Variants in RASGRP2 observed in about 807,000 individuals in gnomAD.
The protein encoded by RASGRP2 is RAS guanyl releasing protein 2.
In RASGRP2, 44 loss-of-function variants were observed where a neutral mutation model predicts 71.0. The observed-to-expected ratio is 0.62, with a 90% CI of 0.49 to 0.80. The LOEUF (loss-of-function observed/expected upper bound fraction) is 0.80, where lower values mean the gene tolerates loss of function less well. Among genes scored for constraint, RASGRP2 ranks in the 30% least tolerant of loss-of-function variants. The pLI is 0.00. For missense variants in RASGRP2, 663 were observed against 813.4 expected (o/e 0.82, Z 2.25); for synonymous variants, 350 against 330.7 (o/e 1.06, Z -0.63).
chr11:64,742,847 A>G lies in RASGRP2; in HGVS notation c.20T>C (p.Leu7Pro). The G allele has an allele frequency of 3.1e-6, 5 of 1,604,416 alleles. No homozygotes were observed. The highest frequency in any genetic ancestry group is 4.2e-6 in the Non-Finnish European group (5 of 1,177,330). The part of the protein sequence containing the change: MAGTLD[L>P]DKGCTVEELL... ...CTCCTCCACCGTGCAGCCCTTGTCCAGGTCCAGGGTGCCTGCCATGGCCGC... is the reference window on the plus strand; with the variant it reads ...CTCCTCCACCGTGCAGCCCTTGTCCGGGTCCAGGGTGCCTGCCATGGCCGC... Residue 7 changes from leucine to proline, a missense_variant, in exon 2 of 17, where the codon CTG becomes CCG. Physicochemically the swap from Leu to Pro is moderately conservative, Grantham distance 98 (BLOSUM62 -3). Transcript: ENST00000394432. The surrounding 1 kb of genome is among the most constrained non-coding windows in gnomAD (Gnocchi z 4.7).
upstream of RASGRP2, chr11:64,745,215 G>C (rs2135815371): frequency 6.6e-6 from 1 of 152,374 alleles, no homozygotes; most frequent in Admixed American, 6.5e-5. Context: ...GAAGCGGACT[G>C]CGGTGGGGAA....
Position 64,742,957 on chromosome 11 carries a change from G to C in RASGRP2, c.-71-20C>G, listed in dbSNP as rs1009862851. The C allele has an allele frequency of 6.6e-7, 1 of 1,519,832 alleles. No individual in the cohort carries two copies. Among genetic ancestry groups the C allele is most frequent in the African/African-American group, 1.4e-5 (1 of 72,266 alleles). The allele number at this position is 1,519,832 out of a possible 1,614,324, so 94.1% of individuals were successfully genotyped here. ...GAACCCCTGTCCCGGGAGAGGCAGA[G>C]CGGGAGTCTGCGGAGTCGCGGGCGG... On this transcript the variant is annotated intron_variant, in intron 1 of 16. Transcript: ENST00000394432. The surrounding 1 kb of genome is among the most constrained non-coding windows in gnomAD (Gnocchi z 4.7).
In RASGRP2 at chr11:64,743,088, G is replaced by T. The variant is rs1303935541; in HGVS notation, c.-71-151C>A. 1 of 878,940 alleles carries T rather than the reference G, an allele frequency of 1.1e-6. No individual in the cohort carries two copies. The highest frequency in any genetic ancestry group is 2.7e-5 in the East Asian group (1 of 37,228). 54.4% of individuals were successfully genotyped at this position (878,940 alleles called of 1,614,324 possible). On this transcript the variant is annotated intron_variant, in intron 1 of 16. Coordinates refer to ENST00000394432, the MANE Select transcript of RASGRP2 (RefSeq NM_001098671.2). This position sits in a 1 kb window ranked among gnomAD's most constrained non-coding sequence, Gnocchi z 4.9. ...CTCCCGGGGTTAAACGGTCTGGCCC[G>T]GGATGGTGCAACCCGCCAGTTGGGA...
intron 8 of RASGRP2, among the ~76,000 whole-genome samples, chr11:64,738,951 C>CAT (rs2058031034): frequency 8.9e-6 from 1 of 112,838 alleles, no homozygotes; most frequent in African/African-American, 2.7e-5. Flanking sequence ...GGCAAAACCC[C>CAT]ATCTCTAAAA....
Position 64,739,757 on chromosome 11 carries a change from A to G in RASGRP2, c.575T>C (p.Val192Ala). Residue 192 changes from valine to alanine, a missense_variant, in exon 7 of 17, where the codon GTC becomes GCC. By Grantham distance (64) the Val-to-Ala change is moderately conservative. Transcript: ENST00000394432. The surrounding 1 kb of genome is among the most constrained non-coding windows in gnomAD (Gnocchi z 4.2). ...GAAGAGGGAGATGAACCGCTCCAGG[A>G]CGGGGTTGTCCACAGTGCAGCCATG... ...VTHGCTVDNP[V>A]LERFISLFNS... The G allele has an allele frequency of 6.2e-7, 1 of 1,613,924 alleles. No individual in the cohort carries two copies. The highest frequency in any genetic ancestry group is 8.5e-7 in the Non-Finnish European group (1 of 1,179,926).
chr11:64,735,367 T>A lies in RASGRP2; in HGVS notation c.1297-140A>T. ...TCTGACACCACCCCCGTTCCATACCTCCACCCCCACCCTACCCAGGGGCAC... is the reference window on the plus strand; with the variant it reads ...TCTGACACCACCCCCGTTCCATACCACCACCCCCACCCTACCCAGGGGCAC... On this transcript the variant is annotated intron_variant, in intron 11 of 16. Coordinates refer to ENST00000394432, the MANE Select transcript of RASGRP2 (RefSeq NM_001098671.2). The surrounding 1 kb of genome is among the most constrained non-coding windows in gnomAD (Gnocchi z 4.2). The A allele has an allele frequency of 7.6e-7, 1 of 1,319,824 alleles. No homozygotes were observed. Among genetic ancestry groups the A allele is most frequent in the Admixed American group, 1.7e-5 (1 of 57,998 alleles). 81.8% of individuals were successfully genotyped at this position (1,319,824 alleles called of 1,614,324 possible).
Position 64,735,450 on chromosome 11 carries a change from G to C in RASGRP2, c.1296+92C>G. On this transcript the variant is annotated intron_variant, in intron 11 of 16. Transcript: ENST00000394432. The surrounding 1 kb of genome is among the most constrained non-coding windows in gnomAD (Gnocchi z 4.2). ...GTGACTCCTAGGGGCTGAGTGCTGG[G>C]TCTTGAACAGGACACTCGTGCTGGC... 1 of 1,599,756 alleles carries C rather than the reference G, an allele frequency of 6.3e-7. No homozygotes were observed. Among genetic ancestry groups the C allele is most frequent in the Middle Eastern group, 1.7e-4 (1 of 6,050 alleles).
At chr11:64,741,387 C>T in intron 4 of RASGRP2, 52 bp downstream of exon 4, 1 of 1,484,688 alleles carries the variant, frequency 6.7e-7, no homozygotes, top group Non-Finnish European at 9.2e-7. Context: ...CAGCCTGAAG[C>T]CAGAGAGAAG....
At position 64,744,100 on chromosome 11, in the gene RASGRP2, C is replaced by A; in HGVS notation, c.-169G>T. 1 of 988,494 alleles carries A rather than the reference C, an allele frequency of 1.0e-6. No individual in the cohort carries two copies. The highest frequency in any genetic ancestry group is 1.2e-6 in the Non-Finnish European group (1 of 831,138). 61.2% of individuals were successfully genotyped at this position (988,494 alleles called of 1,614,324 possible). ...GCCAGCCTTGAGTCCCGCGGCCACACAGGCGCTGACATCCTCACACGTGTG... is the reference window on the plus strand; with the variant it reads ...GCCAGCCTTGAGTCCCGCGGCCACAAAGGCGCTGACATCCTCACACGTGTG... On this transcript the variant is annotated 5_prime_UTR_variant, in exon 1 of 17. Coordinates refer to ENST00000394432, the MANE Select transcript of RASGRP2 (RefSeq NM_001098671.2).
upstream of RASGRP2, chr11:64,744,178 C>G: frequency 1.0e-6 from 1 of 986,344 alleles, no homozygotes; most frequent in Non-Finnish European, 1.2e-6. Flanking sequence ...CACACATGCA[C>G]ACACCCCCAT....
At chr11:64,730,249 G>T in intron 12 of RASGRP2, 55 bp from the exon 13 acceptor site, 1 of 1,548,926 alleles carries the variant, frequency 6.5e-7, no homozygotes. Flanking sequence ...ACCATCCACC[G>T]CTGGCCTAAC....
intron 8 of RASGRP2, chr11:64,737,281 A>G: frequency 1.8e-6 from 1 of 551,216 alleles, no homozygotes. Flanking sequence ...GGGAATCATC[A>G]ACATTTAACA....
Position 64,735,798 on chromosome 11 carries a change from T to C in RASGRP2, c.1173+105A>G, listed in dbSNP as rs953095085. ...CCCTACCCCCAGGATGCCTCTGTCC[T>C]ACAAGATGGATGGGTGAGGTGGCTG... On this transcript the variant is annotated intron_variant, in intron 10 of 16. Coordinates refer to ENST00000394432, the MANE Select transcript of RASGRP2 (RefSeq NM_001098671.2). The surrounding 1 kb of genome is among the most constrained non-coding windows in gnomAD (Gnocchi z 4.2). 6 of 1,482,004 alleles carry C rather than the reference T, an allele frequency of 4.0e-6. No homozygotes were observed. Among genetic ancestry groups the C allele is most frequent in the Non-Finnish European group, 4.6e-6 (5 of 1,081,830 alleles). The allele number at this position is 1,482,004 out of a possible 1,614,324, so 91.8% of individuals were successfully genotyped here. A position where few individuals can be genotyped will look rare whatever the true frequency, so the allele number is the denominator to read the frequency against.
rs2301562 is a variant in RASGRP2 at position 64,730,129 on chromosome 11, C to T, written c.1478G>A (p.Gly493Glu). 1.0e-5 allele frequency: 16 copies of T among 1,551,216 alleles called. No individual in the cohort carries two copies. In the African/African-American group the frequency reaches 1.5e-4, roughly 15 times the overall value. ...YFLRSSSVLG[G>E]RMGFVHNFQE... Reference sequence around the variant, plus strand: ...GAAGTTGTGTACGAAGCCCATGCGCCCCCCCAACACAGAGCTGGAGCGCAG... The same window carrying T: ...GAAGTTGTGTACGAAGCCCATGCGCTCCCCCAACACAGAGCTGGAGCGCAG... The change falls in exon 13 of 17, where the codon GGG (glycine) becomes GAG (glutamate). Residue 493 changes from glycine (G) to glutamate (E), a missense_variant. Transcript: ENST00000394432.
intron 9 of RASGRP2, 51 bp from the exon 10 acceptor site, chr11:64,736,031 G>A: frequency 2.0e-6 from 3 of 1,515,824 alleles, no homozygotes. Flanking sequence ...CACAGCCACA[G>A]AGCCCAGGGC....
At position 64,739,629 on chromosome 11, in the gene RASGRP2, C is replaced by A; in HGVS notation, c.696+7G>T. On this transcript the variant is annotated splice_region_variant and intron_variant, in intron 7 of 16. Transcript: ENST00000394432. The surrounding 1 kb of genome is among the most constrained non-coding windows in gnomAD (Gnocchi z 4.2). Reference sequence around the variant, plus strand: ...GTTGGGAGACACCGGGAGGGAGGGGCAGGCACCTCCGCCACGTGGACAAAG... The same window carrying A: ...GTTGGGAGACACCGGGAGGGAGGGGAAGGCACCTCCGCCACGTGGACAAAG... 1 of 1,612,948 alleles carries A rather than the reference C, an allele frequency of 6.2e-7. No individual in the cohort carries two copies.
rs978311229 is a variant in RASGRP2 at position 64,739,265 on chromosome 11, C to A, written c.813+95G>T. ...TCTGAGCCTCCATTTCCATATCTAT[C>A]AAATGAGGACAGCTGTGCCCAGCCC... On this transcript the variant is annotated intron_variant, in intron 8 of 16. Transcript: ENST00000394432. This position sits in a 1 kb window ranked among gnomAD's most constrained non-coding sequence, Gnocchi z 4.2. The A allele has an allele frequency of 1.9e-5, 18 of 958,868 alleles. No homozygotes were observed. Among genetic ancestry groups the A allele is most frequent in the Non-Finnish European group, 2.9e-5 (17 of 592,886 alleles). 59.4% of individuals were successfully genotyped at this position (958,868 alleles called of 1,614,324 possible).
At chr11:64,731,409 C>A (rs930864960) in intron 12 of RASGRP2, among the ~76,000 whole-genome samples, 1 of 150,530 alleles carries the variant, frequency 6.6e-6, no homozygotes, top group Non-Finnish European at 1.5e-5. Flanking sequence ...TCTTGAGGGG[C>A]TGAGGGCCTT....
Position 64,744,018 on chromosome 11 carries a change from C to T in RASGRP2, c.-87G>A, listed in dbSNP as rs528055506. On this transcript the variant is annotated 5_prime_UTR_variant, in exon 1 of 17. Coordinates refer to ENST00000394432, the MANE Select transcript of RASGRP2 (RefSeq NM_001098671.2). ...GCACACATACCCAGCTCGTCCACCC[C>T]AGAATGCAAACCCGCGGACGAGGTC... 4.3e-5 allele frequency: 42 copies of T among 987,468 alleles called. 1 individual carries two copies. In the African/African-American group the frequency reaches 6.4e-4, roughly 15 times the overall value. 61.2% of individuals were successfully genotyped at this position (987,468 alleles called of 1,614,324 possible).
Sources: allele counts gnomAD v4.1 joint callset (sites outside exome capture counted in the v4.1 genomes callset), GRCh38; gene constraint gnomAD v4.1.1; non-coding constraint Gnocchi (gnomAD v3.1); transcripts MANE v1.5; gene names NCBI Gene and HGNC (gene_info 2026-07-23, HGNC 2026-07-21).